Variants in DGKB observed in about 807,000 individuals in gnomAD.
The protein encoded by DGKB is 90 kDa diacylglycerol kinase.
DGKB carries 67 observed loss-of-function variants against 114.3 expected under a neutral mutation model. The observed-to-expected ratio is 0.59, with a 90% CI of 0.48 to 0.72. The LOEUF (loss-of-function observed/expected upper bound fraction) is 0.72, where lower values mean the gene tolerates loss of function less well. DGKB is among the 30% of genes least tolerant of loss of function. The pLI is 0.00. For synonymous variants in DGKB, 398 were observed against 323.1 expected (o/e 1.23, Z -2.49); for missense variants, 907 against 975.2 (o/e 0.93, Z 0.93).
intron 1 of DGKB, among the ~76,000 whole-genome samples, chr7:14,946,034 A>G (rs1785855632): frequency 6.6e-6 from 1 of 151,380 alleles, no homozygotes; most frequent in Non-Finnish European, 1.5e-5. Context: ...ATGAATATAT[A>G]TTAAACATCT....
intron 22 of DGKB, among the ~76,000 whole-genome samples, chr7:14,344,001 A>G (rs1384264859): frequency 6.8e-6 from 1 of 147,968 alleles, no homozygotes; most frequent in Non-Finnish European, 1.5e-5. Flanking sequence ...TATATACAAT[A>G]ATATATAACT....
intron 21 of DGKB, among the ~76,000 whole-genome samples, chr7:14,431,574 ACT>A (rs1828453764): frequency 6.6e-6 from 1 of 152,120 alleles, no homozygotes; most frequent in Admixed American, 6.6e-5. Flanking sequence ...ATCAAACAAC[ACT>A]GTTTACTTTC....
At chr7:14,362,800 G>A (rs185483438) in intron 21 of DGKB, among the ~76,000 whole-genome samples, 12 of 152,148 alleles carry the variant, frequency 7.9e-5, no homozygotes, top group Admixed American at 6.6e-4. Context: ...GTTTAATACA[G>A]TGGTAGACTG....
At chr7:14,671,281 C>G (rs75246225) in intron 13 of DGKB, among the ~76,000 whole-genome samples, 2,120 of 151,968 alleles carry the variant, frequency 0.014, 43 homozygotes, top group African/African-American at 0.048. Context: ...AGAGAAAGGA[C>G]CAGGAGTGAG....
At chr7:14,945,871 T>C (rs988960127) in intron 1 of DGKB, among the ~76,000 whole-genome samples, 2 of 151,638 alleles carry the variant, frequency 1.3e-5, no homozygotes, top group Non-Finnish European at 3.0e-5. Flanking sequence ...AATTAAAAAA[T>C]TTTATTTATA....
intron 20 of DGKB, among the ~76,000 whole-genome samples, chr7:14,569,591 C>G (rs1192563403): frequency 6.6e-6 from 1 of 152,124 alleles, no homozygotes; most frequent in Non-Finnish European, 1.5e-5. Flanking sequence ...TGTCTCTGTA[C>G]TTCCTCATTG....
At chr7:14,282,701 G>A (rs1036486251) in intron 23 of DGKB, among the ~76,000 whole-genome samples, 5 of 151,598 alleles carry the variant, frequency 3.3e-5, no homozygotes, top group Non-Finnish European at 7.4e-5. Context: ...TGCAAGGCAG[G>A]TTCAATATAC....
At chr7:14,505,163 G>T (rs1027140068) in intron 20 of DGKB, among the ~76,000 whole-genome samples, 1 of 152,102 alleles carries the variant, frequency 6.6e-6, no homozygotes, top group Non-Finnish European at 1.5e-5. Flanking sequence ...TTCAAGAATA[G>T]ACTAAACTTG....
chr7:14,277,841 C>T (rs541071241), intron 23 of DGKB, among the ~76,000 whole-genome samples: 1 of 152,164 alleles, frequency 6.6e-6, no homozygotes. Flanking sequence ...TGAGGAATCT[C>T]TATACCATTT....
chr7:14,471,714 C>T (rs911573672), intron 21 of DGKB, among the ~76,000 whole-genome samples: 1 of 151,888 alleles, frequency 6.6e-6, no homozygotes, highest in African/African-American at 2.4e-5. Context: ...CTCTACATAT[C>T]ACAGTTCAAT....
chr7:14,777,237 T>G (rs1366639144), intron 2 of DGKB, among the ~76,000 whole-genome samples: 1 of 152,168 alleles, frequency 6.6e-6, no homozygotes, highest in Admixed American at 6.5e-5. Flanking sequence ...GGACTTGCCT[T>G]GTCTCAGATG....
At chr7:14,880,850 G>A (rs565158479) in intron 1 of DGKB, among the ~76,000 whole-genome samples, 4 of 152,180 alleles carry the variant, frequency 2.6e-5, no homozygotes, top group Admixed American at 2.0e-4. Context: ...AGGGAATAAT[G>A]TTTTGCTACT....
chr7:14,176,872 A>G lies in DGKB; in HGVS notation c.2271T>C (p.Ile757=), dbSNP rs1221302413. ...IRTSKSLPMQ[I]DGEPWMQTPC... Reference sequence around the variant, plus strand: ...GGGTCTGCATCCATGGCTCCCCATCAATTTGCATTGGCAGAGACTTGCTCG... The same window carrying G: ...GGGTCTGCATCCATGGCTCCCCATCGATTTGCATTGGCAGAGACTTGCTCG... The change falls in exon 25 of 26, where the codon ATT becomes ATC. Residue 757 remains isoleucine (I), a synonymous_variant. Transcript: ENST00000402815. 1 of 1,613,762 alleles carries G rather than the reference A, an allele frequency of 6.2e-7. No individual in the cohort carries two copies. The highest frequency in any genetic ancestry group is 8.5e-7 in the Non-Finnish European group (1 of 1,179,678).
intron 21 of DGKB, among the ~76,000 whole-genome samples, chr7:14,360,719 C>G (rs930328511): frequency 6.6e-6 from 1 of 151,888 alleles, no homozygotes; most frequent in Non-Finnish European, 1.5e-5. Context: ...ATTTGCTTGG[C>G]ATATTCAAAT....
intron 2 of DGKB, among the ~76,000 whole-genome samples, chr7:14,825,515 G>C (rs1308365898): frequency 6.6e-6 from 1 of 152,120 alleles, no homozygotes; most frequent in Non-Finnish European, 1.5e-5. Context: ...TGCATGTGCA[G>C]TTTACAATAG....
At chr7:14,944,871 C>A (rs1173880729) in intron 1 of DGKB, among the ~76,000 whole-genome samples, 1 of 151,646 alleles carries the variant, frequency 6.6e-6, no homozygotes, top group African/African-American at 2.4e-5. Context: ...ATAAGTATAT[C>A]ATAAGGTAAT....
intron 1 of DGKB, among the ~76,000 whole-genome samples, chr7:14,960,913 G>T (rs1786805879): frequency 6.6e-6 from 1 of 152,042 alleles, no homozygotes; most frequent in Non-Finnish European, 1.5e-5. Context: ...TATTACCCAT[G>T]ATCTCGGGCG....
At chr7:14,646,879 A>T (rs1179095489) in intron 13 of DGKB, among the ~76,000 whole-genome samples, 1 of 151,940 alleles carries the variant, frequency 6.6e-6, no homozygotes, top group Non-Finnish European at 1.5e-5. Flanking sequence ...AAATTAAAAT[A>T]TTTAAAATAA....
chr7:14,418,525 C>T (rs1487163166), intron 21 of DGKB, among the ~76,000 whole-genome samples: 1 of 151,354 alleles, frequency 6.6e-6, no homozygotes, highest in African/African-American at 2.4e-5. Flanking sequence ...AAGTAACTAT[C>T]CTACAAATGT....
Sources: allele counts gnomAD v4.1 joint callset (sites outside exome capture counted in the v4.1 genomes callset), GRCh38; gene constraint gnomAD v4.1.1; transcripts MANE v1.5; gene names NCBI Gene and HGNC (gene_info 2026-07-23, HGNC 2026-07-21).